C8orf34: variants seen among roughly 807,000 people sequenced by gnomAD.
The protein encoded by C8orf34 is chromosome 8 open reading frame 34, also known as uncharacterized protein C8orf34.
A neutral mutation model predicts 68.3 loss-of-function variants in C8orf34; 65 were observed. That is an observed-to-expected ratio of 0.95 (90% confidence interval 0.78 to 1.17). C8orf34 has a LOEUF of 1.17. Among genes scored for constraint, C8orf34 ranks in the 50% most tolerant of loss-of-function variants. C8orf34 has a pLI of 0.00. For synonymous variants in C8orf34, 244 were observed against 241.2 expected (o/e 1.01, Z -0.11); for missense variants, 664 against 655.4 (o/e 1.01, Z -0.14).
At chr8:68,351,425 A>G (rs1298912738) in intron 1 of C8orf34, among the ~76,000 whole-genome samples, 1 of 152,160 alleles carries the variant, frequency 6.6e-6, no homozygotes, top group East Asian at 1.9e-4. Flanking sequence ...AAATCTGATG[A>G]TGATGCATCT....
intron 10 of C8orf34, among the ~76,000 whole-genome samples, chr8:68,743,672 C>T (rs751110242): frequency 9.8e-5 from 15 of 152,318 alleles, no homozygotes; most frequent in Non-Finnish European, 2.9e-5. Context: ...TGCGCTTTCC[C>T]GACGGGCTTA....
At chr8:68,487,425 G>T (rs1431440712) in intron 4 of C8orf34, among the ~76,000 whole-genome samples, 1 of 151,424 alleles carries the variant, frequency 6.6e-6, no homozygotes, top group East Asian at 2.0e-4. Context: ...AAAGGATAAA[G>T]ATAGAAATTA....
At chr8:68,482,610 G>T (rs1812909649) in intron 4 of C8orf34, among the ~76,000 whole-genome samples, 1 of 152,102 alleles carries the variant, frequency 6.6e-6, no homozygotes, top group Non-Finnish European at 1.5e-5. Flanking sequence ...GTCAGAGGTT[G>T]TTGATCACCC....
chr8:68,426,227 G>A (rs1200054578), intron 1 of C8orf34, among the ~76,000 whole-genome samples: 1 of 151,648 alleles, frequency 6.6e-6, no homozygotes, highest in Non-Finnish European at 1.5e-5. Context: ...CTGTTAAGGG[G>A]GCAAAAAATG....
intron 1 of C8orf34, among the ~76,000 whole-genome samples, chr8:68,395,828 C>T (rs979311245): frequency 6.6e-6 from 1 of 152,014 alleles, no homozygotes; most frequent in Non-Finnish European, 1.5e-5. Flanking sequence ...GGAGTTGTGA[C>T]GTTGTGGGGT....
At chr8:68,488,359 C>T (rs1378266331) in intron 5 of C8orf34, among the ~76,000 whole-genome samples, 1 of 151,970 alleles carries the variant, frequency 6.6e-6, no homozygotes, top group African/African-American at 2.4e-5. Context: ...TATTTTATTC[C>T]ACTTGTATCT....
rs973634291 is a variant in C8orf34, at chr8:68,708,943, T to G, written c.1242-51T>G. On this transcript the variant is annotated intron_variant, in intron 8 of 13. Transcript: ENST00000518698. The stretch of plus-strand genomic sequence containing the variant: ...GTCCCCCATGGTGCATAGTTCACAT[T>G]TCACAATTTAACATTATGAGATGTT... 4 of 1,343,842 alleles carry G rather than the reference T, an allele frequency of 3.0e-6. No homozygotes were observed. In the African/African-American group the frequency reaches 4.4e-5, roughly 15 times the overall value. 83.2% of individuals were successfully genotyped at this position (1,343,842 alleles called of 1,614,324 possible). A position where few individuals can be genotyped will look rare whatever the true frequency, so the allele number is the denominator to read the frequency against.
At chr8:68,457,009 C>G (rs1811582610) in intron 3 of C8orf34, among the ~76,000 whole-genome samples, 1 of 152,098 alleles carries the variant, frequency 6.6e-6, no homozygotes. Flanking sequence ...GAATGCTGAT[C>G]CTTTATAACC....
At chr8:68,803,165 G>A (rs962845250) in intron 12 of C8orf34, among the ~76,000 whole-genome samples, 2 of 151,902 alleles carry the variant, frequency 1.3e-5, no homozygotes, top group Non-Finnish European at 2.9e-5. Flanking sequence ...AGCTAACCTC[G>A]ATTCCAATAC....
intron 8 of C8orf34, among the ~76,000 whole-genome samples, chr8:68,685,970 A>G (rs1431142193): frequency 6.6e-6 from 1 of 152,028 alleles, no homozygotes; most frequent in Non-Finnish European, 1.5e-5. Context: ...CCAATACCAT[A>G]GAAATGCAAA....
intron 3 of C8orf34, among the ~76,000 whole-genome samples, chr8:68,467,497 C>T (rs2129629801): frequency 6.6e-6 from 1 of 152,054 alleles, no homozygotes; most frequent in Admixed American, 6.6e-5. Flanking sequence ...TCCTCTTGCT[C>T]CCTGCTTGAC....
At chr8:68,479,910 T>C (rs10089645) in intron 4 of C8orf34, among the ~76,000 whole-genome samples, 95,375 of 152,096 alleles carry the variant, frequency 0.63, 30,294 homozygotes, top group East Asian at 0.88. Flanking sequence ...AACCTGTGGC[T>C]TGTTTTTGTG....
chr8:68,392,342 T>C (rs1490588844), intron 1 of C8orf34, among the ~76,000 whole-genome samples: 1 of 151,996 alleles, frequency 6.6e-6, no homozygotes, highest in African/African-American at 2.4e-5. Context: ...CTGTTGCTAA[T>C]ATATATCAAG....
At chr8:68,691,006 G>A (rs1430718114) in intron 8 of C8orf34, among the ~76,000 whole-genome samples, 1 of 152,032 alleles carries the variant, frequency 6.6e-6, no homozygotes, top group Non-Finnish European at 1.5e-5. Flanking sequence ...CCTGCTTTCA[G>A]GAAGAAAGGG....
chr8:68,403,176 A>G (rs911568965), intron 1 of C8orf34, among the ~76,000 whole-genome samples: 1 of 152,174 alleles, frequency 6.6e-6, no homozygotes, highest in Non-Finnish European at 1.5e-5. Flanking sequence ...TCCATAATGT[A>G]CACTTATGCC....
At chr8:68,445,242 A>G (rs573615492) in intron 2 of C8orf34, among the ~76,000 whole-genome samples, 101 of 152,276 alleles carry the variant, frequency 6.6e-4, no homozygotes, top group African/African-American at 1.5e-3. Context: ...GTAATGGTGT[A>G]TGTTAGTTAT....
chr8:68,410,770 A>G (rs979735357), intron 1 of C8orf34, among the ~76,000 whole-genome samples: 2 of 152,314 alleles, frequency 1.3e-5, no homozygotes, highest in African/African-American at 2.4e-5. Flanking sequence ...TCTCAGGCAG[A>G]TGGCATTGGA....
At chr8:68,631,903 T>C (rs1376803459) in intron 7 of C8orf34, among the ~76,000 whole-genome samples, 10 of 152,182 alleles carry the variant, frequency 6.6e-5, no homozygotes, top group Non-Finnish European at 1.2e-4. Context: ...TAGACCTCTT[T>C]CTTTTATAAA....
At chr8:68,592,755 T>C (rs1385750810) in intron 7 of C8orf34, among the ~76,000 whole-genome samples, 1 of 151,882 alleles carries the variant, frequency 6.6e-6, no homozygotes, top group Non-Finnish European at 1.5e-5. Flanking sequence ...ATTACAGTCA[T>C]GTGCCACCAC....
Sources: gnomAD v4.1 joint callset for allele counts (sites outside exome capture counted in the v4.1 genomes callset) on GRCh38, gnomAD v4.1.1 for gene constraint, MANE v1.5 for transcripts, NCBI Gene and HGNC (gene_info 2026-07-23, HGNC 2026-07-21) for gene names.